Variants in CD180 observed in about 807,000 individuals in gnomAD.
CD180 encodes the protein CD180 molecule, also known as CD180 antigen.
CD180 carries 11 observed loss-of-function variants against 10.7 expected under a neutral mutation model. The ratio of observed to expected loss-of-function variants is 1.03; its 90% CI spans 0.65 to 1.70. CD180 has a LOEUF of 1.70. Ranked by LOEUF, CD180 falls within the 40% of genes most tolerant of loss-of-function variation. The pLI is 0.00. For synonymous variants in CD180, 286 were observed against 294.6 expected (o/e 0.97, Z 0.30); for missense variants, 729 against 775.2 (o/e 0.94, Z 0.71).
In CD180 at chr5:67,183,677, C is replaced by A. The variant is rs769368257; in HGVS notation, c.1166G>T (p.Ser389Ile). 6 of 1,614,128 alleles carry A rather than the reference C, an allele frequency of 3.7e-6. No homozygotes were observed. The South Asian group carries it at 5.5e-5, about 15-fold the overall frequency. Reference sequence around the variant, plus strand: ...GTGGGACAGGTTTTTGAGTTGCAGACTGCAGCAGTCAGAAGCCTCTATGTC... The same window carrying A: ...GTGGGACAGGTTTTTGAGTTGCAGAATGCAGCAGTCAGAAGCCTCTATGTC... ...HNDIEASDCC[S>I]LQLKNLSHLQ... The change falls in exon 3 of 3, where the codon AGT (serine) becomes ATT (isoleucine). Residue 389 changes from serine to isoleucine, a missense_variant. Transcript: ENST00000256447.
At chr5:67,185,330 C>CACACACAG (rs1448050085) in intron 2 of CD180, among the ~76,000 whole-genome samples, 2 of 139,720 alleles carry the variant, frequency 1.4e-5, no homozygotes, top group African/African-American at 5.3e-5. Flanking sequence ...CACACACACG[C>CACACACAG]AGTATAGCCC....
intron 1 of CD180, among the ~76,000 whole-genome samples, chr5:67,190,468 T>G (rs1216975792): frequency 6.6e-6 from 1 of 152,244 alleles, no homozygotes; most frequent in African/African-American, 2.4e-5. Context: ...CCATTTCCTA[T>G]AAACCCAGCC....
chr5:67,181,989 T>A lies in CD180; in HGVS notation c.*868A>T, dbSNP rs1248064213. On this transcript the variant is annotated 3_prime_UTR_variant, in exon 3 of 3. Transcript: ENST00000256447. ...CCTGAGAACCAAACCACGATTTATT[T>A]CACAGTTCTTCTGGAAAAGAGACTT... 4 of 152,214 alleles carry A rather than the reference T, an allele frequency of 2.6e-5. No homozygotes were observed. 9.4% of individuals were successfully genotyped at this position (152,214 alleles called of 1,614,324 possible).
chr5:67,182,807 G>C lies in CD180; in HGVS notation c.*50C>G. ...CAGCAGATGACAGTTCTTTCACTTA[G>C]AGCAATTTTGCTAAGCACACTTATT... is the stretch of plus-strand genomic sequence containing the variant. On this transcript the variant is annotated 3_prime_UTR_variant, in exon 3 of 3. Transcript: ENST00000256447. 2 of 1,476,480 alleles carry C rather than the reference G, an allele frequency of 1.4e-6. No homozygotes were observed. Among genetic ancestry groups the C allele is most frequent in the Non-Finnish European group, 1.8e-6 (2 of 1,093,260 alleles). 91.5% of individuals were successfully genotyped at this position (1,476,480 alleles called of 1,614,324 possible).
chr5:67,195,978 G>T (rs1348597483), intron 1 of CD180, among the ~76,000 whole-genome samples: 1 of 152,202 alleles, frequency 6.6e-6, no homozygotes. Flanking sequence ...ACTTCCCACA[G>T]GTTGATAAAT....
At chr5:67,196,407 CAAT>C (rs1394525741) in intron 1 of CD180, 142 bp downstream of exon 1, 134 of 698,500 alleles carry the variant, frequency 1.9e-4, no homozygotes, top group East Asian at 8.5e-4. Flanking sequence ...TCCTTTCTCA[CAAT>C]AATGAAAAAA....
Position 67,183,212 on chromosome 5 carries a change from T to C in CD180, c.1631A>G (p.Lys544Arg). The C allele has an allele frequency of 6.2e-7, 1 of 1,613,166 alleles. No individual in the cohort carries two copies. Among genetic ancestry groups the C allele is most frequent in the Non-Finnish European group, 8.5e-7 (1 of 1,179,238 alleles). ...CDSIDSLSHLKGIYLNLAANS... is the reference protein window; with the variant it reads ...CDSIDSLSHLRGIYLNLAANS... Reference sequence around the variant, plus strand: ...GGCAGCCAGATTGAGGTAGATTCCCTTAAGATGGCTAAGAGAATCAATGCT... The same window carrying C: ...GGCAGCCAGATTGAGGTAGATTCCCCTAAGATGGCTAAGAGAATCAATGCT... Residue 544 changes from lysine to arginine, a missense_variant, in exon 3 of 3, where the codon AAG becomes AGG. Physicochemically the swap from Lys to Arg is conservative, Grantham distance 26. Coordinates refer to ENST00000256447, the MANE Select transcript of CD180 (RefSeq NM_005582.3).
intron 1 of CD180, among the ~76,000 whole-genome samples, chr5:67,192,294 G>A (rs1275871233): frequency 6.6e-6 from 1 of 152,158 alleles, no homozygotes; most frequent in African/African-American, 2.4e-5. Flanking sequence ...GGAGGCTGAG[G>A]CAGAATGGCG....
chr5:67,184,905 T>C (rs1329039632), intron 2 of CD180, among the ~76,000 whole-genome samples: 1 of 152,230 alleles, frequency 6.6e-6, no homozygotes, highest in South Asian at 2.1e-4. Flanking sequence ...ATACAAAATA[T>C]ATCATATAGA....
chr5:67,190,295 C>G (rs1489040411), intron 1 of CD180, among the ~76,000 whole-genome samples: 1 of 152,138 alleles, frequency 6.6e-6, no homozygotes, highest in African/African-American at 2.4e-5. Context: ...GCCAGGGTTC[C>G]AGAACAGCAC....
rs114521840 is a variant in CD180 at position 67,192,700 on chromosome 5, C to G, written c.90+3852G>C. On this transcript the variant is annotated intron_variant, in intron 1 of 2. Coordinates refer to ENST00000256447, the MANE Select transcript of CD180 (RefSeq NM_005582.3). Reference sequence around the variant, plus strand: ...AAGCTGTGACGGAGCTGCCCCCACACGCCTCCCACCAGGCCCTACCTCCAC... The same window carrying G: ...AAGCTGTGACGGAGCTGCCCCCACAGGCCTCCCACCAGGCCCTACCTCCAC... Among the ~76,000 whole-genome samples the G allele has an allele frequency of 2.0e-3, 298 of 152,186 alleles. 1 individual carries two copies. The highest frequency in any genetic ancestry group is 6.9e-3 in the African/African-American group (285 of 41,524).
chr5:67,194,727 C>T (rs1023357684), intron 1 of CD180, among the ~76,000 whole-genome samples: 5 of 152,216 alleles, frequency 3.3e-5, no homozygotes, highest in Non-Finnish European at 7.3e-5. Context: ...CAGGCAATTA[C>T]AGACCTTCCA....
chr5:67,191,442 G>A (rs1002551860), intron 1 of CD180, among the ~76,000 whole-genome samples: 1 of 152,140 alleles, frequency 6.6e-6, no homozygotes, highest in Non-Finnish European at 1.5e-5. Context: ...CTATGAACTT[G>A]GAGTTCCTTT....
chr5:67,195,696 TC>T, intron 1 of CD180, among the ~76,000 whole-genome samples: 1 of 152,346 alleles, frequency 6.6e-6, no homozygotes, highest in South Asian at 2.1e-4. Flanking sequence ...GCTCTGCTCT[TC>T]CTGATCCTCT....
rs1324260078 is a variant in CD180 at position 67,179,698 on chromosome 5, G to A, written c.*3159C>T. 6.6e-6 allele frequency: 1 copy of A among 152,250 alleles called. No homozygotes were observed. Among genetic ancestry groups the A allele is most frequent in the Non-Finnish European group, 1.5e-5 (1 of 68,060 alleles). 9.4% of individuals were successfully genotyped at this position (152,250 alleles called of 1,614,324 possible). ...AATAAGAATGGCACGACAGTTTTCT[G>A]TCTTGGAATTTTACAGATATTGCCT... On this transcript the variant is annotated 3_prime_UTR_variant, in exon 3 of 3. Transcript: ENST00000256447.
chr5:67,184,093 G>C lies in CD180; in HGVS notation c.750C>G (p.Leu250=), dbSNP rs776463115. ...CAATGTCCTCAAATGTTCCCAGCCAGAGAGACTGAGTAGTAGAGTTCTGCA... is the reference window on the plus strand; with the variant it reads ...CAATGTCCTCAAATGTTCCCAGCCACAGAGACTGAGTAGTAGAGTTCTGCA... ...NGLQNSTTQS[L]WLGTFEDIDD... Residue 250 remains leucine (L), a synonymous_variant, in exon 3 of 3, where the codon CTC becomes CTG. Transcript: ENST00000256447. 1.1e-5 allele frequency: 17 copies of C among 1,614,052 alleles called. No homozygotes were observed. The South Asian group carries it at 1.5e-4, about 15-fold the overall frequency.
At position 67,185,989 on chromosome 5, in the gene CD180, T is replaced by C. The variant is rs751653685; in HGVS notation, c.119A>G (p.Glu40Gly). ...EKEANKTYNC[E>G]NLGLSEIPDT... The stretch of plus-strand genomic sequence containing the variant: ...AGGGATTTCACTGAGACCTAAATTT[T>C]CACAGTTATATGTTTTGTTGGCTTC... The change falls in exon 2 of 3, where the codon GAA (glutamate) becomes GGA (glycine). Residue 40 changes from glutamate to glycine, a missense_variant. Coordinates refer to ENST00000256447, the MANE Select transcript of CD180 (RefSeq NM_005582.3). 1 of 1,602,312 alleles carries C rather than the reference T, an allele frequency of 6.2e-7. No individual in the cohort carries two copies. The highest frequency in any genetic ancestry group is 8.5e-7 in the Non-Finnish European group (1 of 1,174,844).
At chr5:67,190,085 T>A (rs994612358) in intron 1 of CD180, among the ~76,000 whole-genome samples, 10 of 152,238 alleles carry the variant, frequency 6.6e-5, no homozygotes, top group Admixed American at 4.6e-4. Context: ...AGACAGTTCC[T>A]CAGCCTTTGT....
chr5:67,191,059 G>C (rs756170696), intron 1 of CD180: 7 of 985,206 alleles, frequency 7.1e-6, no homozygotes, highest in African/African-American at 1.7e-5. Context: ...AGAGCAAGTC[G>C]ACTGAGCCAA....
Sources: allele counts gnomAD v4.1 joint callset (sites outside exome capture counted in the v4.1 genomes callset), GRCh38; gene constraint gnomAD v4.1.1; transcripts MANE v1.5; gene names NCBI Gene and HGNC (gene_info 2026-07-23, HGNC 2026-07-21).